IQSEC1: variants seen among roughly 807,000 people sequenced by gnomAD.
IQSEC1 encodes the protein IQ motif and SEC7 domain-containing protein 1.
Under a neutral mutation model 91.0 loss-of-function variants are expected in IQSEC1, and 31 were observed. The observed-to-expected ratio is 0.34, with a 90% CI of 0.26 to 0.46. The LOEUF is 0.46. IQSEC1 is among the 20% of genes least tolerant of loss of function. IQSEC1 has a pLI of 1.00. For synonymous variants in IQSEC1, 699 were observed against 662.6 expected (o/e 1.05, Z -0.84); for missense variants, 1,388 against 1,575.6 (o/e 0.88, Z 2.02).
At chr3:13,250,953 C>G (rs777476152) in intron 1 of IQSEC1, among the ~76,000 whole-genome samples, 2 of 152,252 alleles carry the variant, frequency 1.3e-5, no homozygotes, top group Non-Finnish European at 2.9e-5. Flanking sequence ...ATCGCTCCTC[C>G]TCTGTCCAGA....
intron 2 of IQSEC1, among the ~76,000 whole-genome samples, chr3:13,085,832 C>A (rs1385217468): frequency 6.6e-6 from 1 of 152,268 alleles, no homozygotes; most frequent in Admixed American, 6.5e-5. Context: ...GCTCTCGAGG[C>A]TGCCCAGGCC....
chr3:13,014,616 G>A (rs572677070), intron 1 of IQSEC1, among the ~76,000 whole-genome samples: 10 of 152,294 alleles, frequency 6.6e-5, no homozygotes, highest in East Asian at 5.8e-4. Context: ...GCTGGGGTGG[G>A]GGAGGCTTGG....
At chr3:13,136,564 C>T (rs1451181327) in intron 2 of IQSEC1, among the ~76,000 whole-genome samples, 13 of 152,146 alleles carry the variant, frequency 8.5e-5, no homozygotes, top group Admixed American at 8.5e-4. Context: ...AGGATACAGA[C>T]AGAGCTCGCA....
intron 1 of IQSEC1, among the ~76,000 whole-genome samples, chr3:13,227,900 G>A (rs1694784623): frequency 6.6e-6 from 1 of 152,170 alleles, no homozygotes; most frequent in African/African-American, 2.4e-5. Flanking sequence ...CGAGGCCTGA[G>A]GCTGGATCCT....
intron 2 of IQSEC1, among the ~76,000 whole-genome samples, chr3:13,161,830 G>C (rs774888280): frequency 6.6e-6 from 1 of 152,206 alleles, no homozygotes; most frequent in African/African-American, 2.4e-5. Context: ...TGTGCACCCT[G>C]CTGGGAGCTG....
chr3:13,095,600 C>T (rs1297448404), intron 2 of IQSEC1, among the ~76,000 whole-genome samples: 10 of 152,100 alleles, frequency 6.6e-5, no homozygotes, highest in Non-Finnish European at 1.2e-4. Context: ...GGGCCTTTTC[C>T]GCCACTCCAT....
Position 12,967,557 on chromosome 3 carries a change from C to T in IQSEC1, c.24-25692G>A. 1 of 1,358,454 alleles carries T rather than the reference C, an allele frequency of 7.4e-7. No individual in the cohort carries two copies. Among genetic ancestry groups the T allele is most frequent in the Non-Finnish European group, 9.4e-7 (1 of 1,064,404 alleles). 84.2% of individuals were successfully genotyped at this position (1,358,454 alleles called of 1,614,324 possible). On this transcript the variant is annotated intron_variant, in intron 1 of 13. Coordinates refer to ENST00000613206, the MANE Select transcript of IQSEC1 (RefSeq NM_001134382.3). The surrounding 1 kb of genome is among the most constrained non-coding windows in gnomAD (Gnocchi z 5.9). ...CCGGATCCCGGGGCCGACACCCGGC[C>T]ACCCGGAGACCCGACCACCCGCCAC... is the stretch of plus-strand genomic sequence containing the variant.
intron 2 of IQSEC1, among the ~76,000 whole-genome samples, chr3:13,095,866 G>T (rs1034312800): frequency 6.6e-6 from 1 of 152,242 alleles, no homozygotes; most frequent in African/African-American, 2.4e-5. Context: ...TGGGAAGGAT[G>T]AGGCTGAGGG....
chr3:13,003,344 T>C (rs1296449002), intron 1 of IQSEC1, among the ~76,000 whole-genome samples: 1 of 148,166 alleles, frequency 6.7e-6, no homozygotes, highest in African/African-American at 2.5e-5. Context: ...TGGATGAACC[T>C]TGAAAAACTT....
intron 2 of IQSEC1, among the ~76,000 whole-genome samples, chr3:13,127,131 G>C (rs1706526667): frequency 6.6e-6 from 1 of 152,054 alleles, no homozygotes; most frequent in Admixed American, 6.5e-5. Flanking sequence ...CAGAGTTCTC[G>C]GCTGGGGGCG....
At chr3:13,247,841 A>C (rs1695133485) in intron 1 of IQSEC1, among the ~76,000 whole-genome samples, 1 of 152,036 alleles carries the variant, frequency 6.6e-6, no homozygotes, top group Non-Finnish European at 1.5e-5. Context: ...CACGTTCCCC[A>C]TCTTCCCACA....
chr3:13,090,803 T>C (rs1393810930), intron 2 of IQSEC1, among the ~76,000 whole-genome samples: 4 of 152,082 alleles, frequency 2.6e-5, no homozygotes, highest in Admixed American at 6.5e-5. Flanking sequence ...ATGAGCTCCG[T>C]AGAGATTTTA....
chr3:13,021,336 C>G (rs945618160), intron 1 of IQSEC1, among the ~76,000 whole-genome samples: 12 of 152,244 alleles, frequency 7.9e-5, no homozygotes, highest in South Asian at 4.1e-4. Flanking sequence ...TCTCACCATG[C>G]AGGCGCCATT....
At chr3:13,137,276 A>G (rs567896841) in intron 2 of IQSEC1, among the ~76,000 whole-genome samples, 2 of 152,238 alleles carry the variant, frequency 1.3e-5, no homozygotes, top group African/African-American at 4.8e-5. Context: ...AATAAATGGA[A>G]TGACCCAAAC....
intron 1 of IQSEC1, among the ~76,000 whole-genome samples, chr3:13,003,947 C>A (rs1299529825): frequency 1.3e-5 from 2 of 152,128 alleles, no homozygotes; most frequent in Non-Finnish European, 2.9e-5. Context: ...TAAGAGAAAG[C>A]AAAATTTGGT....
chr3:12,966,449 C>T (rs777755378), intron 1 of IQSEC1, among the ~76,000 whole-genome samples: 2 of 152,196 alleles, frequency 1.3e-5, no homozygotes, highest in East Asian at 3.8e-4. Context: ...AGCCCCACCC[C>T]CCTGCTCCTC....
At chr3:12,980,929 A>G (rs1466939415) in intron 1 of IQSEC1, among the ~76,000 whole-genome samples, 1 of 152,088 alleles carries the variant, frequency 6.6e-6, no homozygotes, top group Admixed American at 6.5e-5. Flanking sequence ...CTCAGGAGGG[A>G]CCCTGCTCCA....
intron 1 of IQSEC1, chr3:13,022,517 C>T (rs1048616600): frequency 4.1e-6 from 4 of 964,022 alleles, no homozygotes; most frequent in Non-Finnish European, 4.9e-6. Flanking sequence ...TGAGGAAAAG[C>T]TCAGCTGCCG....
In IQSEC1 at chr3:13,205,098, C is replaced by T. The variant is rs148723490; in HGVS notation, c.273-40965G>A. On this transcript the variant is annotated intron_variant, in intron 1 of 15. Coordinates refer to the IQSEC1 transcript ENST00000648114. ...CAGGTGTGAGCCACCGCGCCTGGCCCGTGCTGTCCGTTTTCTACAGTTCTG... is the reference window on the plus strand; with the variant it reads ...CAGGTGTGAGCCACCGCGCCTGGCCTGTGCTGTCCGTTTTCTACAGTTCTG... Among the ~76,000 whole-genome samples the T allele has an allele frequency of 2.5e-3, 383 of 152,192 alleles. 1 individual carries two copies. The highest frequency in any genetic ancestry group is 7.7e-3 in the African/African-American group (321 of 41,534).
Sources: gnomAD v4.1 joint callset for allele counts (sites outside exome capture counted in the v4.1 genomes callset) on GRCh38, gnomAD v4.1.1 for gene constraint, Gnocchi (gnomAD v3.1) non-coding constraint, MANE v1.5 for transcripts, NCBI Gene and HGNC (gene_info 2026-07-23, HGNC 2026-07-21) for gene names.